The following GLIS3 variants were observed in gnomAD, a reference collection of about 807,000 sequenced individuals.
The protein encoded by GLIS3 is GLIS family zinc finger 3, also known as zinc finger protein GLIS3.
Under a neutral mutation model 78.6 loss-of-function variants are expected in GLIS3, and 53 were observed. That is an observed-to-expected ratio of 0.67 (90% CI 0.54 to 0.85). The LOEUF (loss-of-function observed/expected upper bound fraction) is 0.85, where lower values mean the gene tolerates loss of function less well. GLIS3 is among the 40% of genes least tolerant of loss of function. The pLI, the probability that GLIS3 is intolerant of heterozygous loss-of-function variation, is 0.00. For synonymous variants in GLIS3, 684 were observed against 509.9 expected, an observed-to-expected ratio of 1.34 and a Z score of -4.60; for missense variants, 1,703 against 1,231.1, an observed-to-expected ratio of 1.38 and a Z score of -5.74.
chr9:4,375,012 C>T, the GLIS3 span, among the ~76,000 whole-genome samples: 877 of 152,298 alleles, frequency 5.8e-3, 8 homozygotes, highest in African/African-American at 0.02. Context: ...TACTGTTGGA[C>T]ATTTGTGTTG....
the GLIS3 span, among the ~76,000 whole-genome samples, chr9:4,398,082 T>C: frequency 1.3e-5 from 2 of 152,012 alleles, no homozygotes; most frequent in South Asian, 4.1e-4. Context: ...GTTTAAGATC[T>C]TCAGTTACTA....
At chr9:4,259,065 T>C (rs1236736379) in intron 2 of GLIS3, among the ~76,000 whole-genome samples, 1 of 151,978 alleles carries the variant, frequency 6.6e-6, no homozygotes, top group Non-Finnish European at 1.5e-5. Flanking sequence ...GCATAACTCC[T>C]CCCCAAACAT....
chr9:3,879,355 T>G, intron 8 of GLIS3, 72 bp downstream of exon 8: 1 of 1,443,858 alleles, frequency 6.9e-7, no homozygotes, highest in South Asian at 1.1e-5. Flanking sequence ...ATTCAGCAAC[T>G]GTCAAGGCAC....
chr9:4,312,550 A>C (rs1817380910), intron 2 of GLIS3, among the ~76,000 whole-genome samples: 1 of 152,234 alleles, frequency 6.6e-6, no homozygotes, highest in African/African-American at 2.4e-5. Flanking sequence ...TTTTGCCAAT[A>C]AATTATGTAC....
In GLIS3 at chr9:3,879,582, G is replaced by A. The variant is rs768981623; in HGVS notation, c.2142C>T (p.Ser714=). The A allele has an allele frequency of 2.5e-6, 4 of 1,614,000 alleles. No homozygotes were observed. The highest frequency in any genetic ancestry group is 3.4e-6 in the Non-Finnish European group (4 of 1,179,980). Residue 714 remains serine (S), a synonymous_variant, in exon 8 of 11, where the codon TCC becomes TCT. Coordinates refer to ENST00000381971, the MANE Select transcript of GLIS3 (RefSeq NM_001042413.2). Reference sequence around the variant, plus strand: ...TTCCACTTCGGCTTGAATAATTGCTGGAGAAAATGGGAGCTGAAATCAAGG... The same window carrying A: ...TTCCACTTCGGCTTGAATAATTGCTAGAGAAAATGGGAGCTGAAATCAAGG... ...GPDLYSAPIF[S]SNYSSRSGTA...
At chr9:4,213,983 G>C (rs1234175866) in intron 2 of GLIS3, among the ~76,000 whole-genome samples, 1 of 149,976 alleles carries the variant, frequency 6.7e-6, no homozygotes, top group Non-Finnish European at 1.5e-5. Flanking sequence ...AAATTTCAGA[G>C]ACAGACAGGT....
chr9:4,288,093 T>C (rs1828151517), intron 1 of GLIS3, among the ~76,000 whole-genome samples: 2 of 152,206 alleles, frequency 1.3e-5, no homozygotes, highest in Non-Finnish European at 2.9e-5. Context: ...ACCTCAGTTC[T>C]TACATTGGTA....
chr9:4,387,109 T>G, the GLIS3 span, among the ~76,000 whole-genome samples: 4 of 152,202 alleles, frequency 2.6e-5, no homozygotes, highest in Non-Finnish European at 5.9e-5. Flanking sequence ...TAATGGCAAC[T>G]TCAGGGAGCG....
intron 4 of GLIS3, among the ~76,000 whole-genome samples, chr9:4,100,110 G>T (rs1830253666): frequency 6.6e-6 from 1 of 152,194 alleles, no homozygotes; most frequent in Non-Finnish European, 1.5e-5. Context: ...AAAGGTCATG[G>T]TATTCTCAAT....
At chr9:4,046,139 G>T (rs1266783496) in intron 4 of GLIS3, among the ~76,000 whole-genome samples, 5 of 152,124 alleles carry the variant, frequency 3.3e-5, no homozygotes, top group African/African-American at 1.2e-4. Flanking sequence ...GTCTCTTATG[G>T]CAGTCTTATA....
the GLIS3 span, among the ~76,000 whole-genome samples, chr9:4,355,877 A>G: frequency 2.0e-5 from 3 of 152,300 alleles, no homozygotes; most frequent in South Asian, 4.1e-4. Flanking sequence ...GGCATGTGGG[A>G]AAGTCCTGGG....
chr9:4,316,898 A>C (rs569690588), intron 2 of GLIS3, among the ~76,000 whole-genome samples: 1 of 152,294 alleles, frequency 6.6e-6, no homozygotes, highest in East Asian at 1.9e-4. Context: ...GACCAGAAAA[A>C]CCATCATAGG....
At chr9:3,959,779 G>A (rs928341571) in intron 4 of GLIS3, among the ~76,000 whole-genome samples, 2 of 152,164 alleles carry the variant, frequency 1.3e-5, no homozygotes, top group African/African-American at 2.4e-5. Context: ...TTGGAGACAG[G>A]GTCTTTCCAG....
chr9:3,926,918 C>A (rs372727034), intron 6 of GLIS3, among the ~76,000 whole-genome samples: 1 of 152,240 alleles, frequency 6.6e-6, no homozygotes, highest in African/African-American at 2.4e-5. Flanking sequence ...AGCCATTGGG[C>A]CTGGCCTCAT....
At chr9:3,897,831 G>GA (rs903969973) in intron 7 of GLIS3, among the ~76,000 whole-genome samples, 2 of 152,096 alleles carry the variant, frequency 1.3e-5, no homozygotes, top group African/African-American at 2.4e-5. Context: ...CTTTTCGAAA[G>GA]AAAAAAACAG....
intron 4 of GLIS3, among the ~76,000 whole-genome samples, chr9:4,044,587 A>G (rs1825096041): frequency 6.6e-6 from 1 of 152,098 alleles, no homozygotes. Context: ...TGGCCAGCAC[A>G]TGGAGTGACT....
chr9:4,380,821 C>A, the GLIS3 span, among the ~76,000 whole-genome samples: 45 of 152,290 alleles, frequency 3.0e-4, no homozygotes, highest in African/African-American at 1.0e-3. Flanking sequence ...AGATGCAAGA[C>A]CCTCCCAAGA....
At chr9:4,044,538 A>G (rs1279824855) in intron 4 of GLIS3, among the ~76,000 whole-genome samples, 1 of 152,132 alleles carries the variant, frequency 6.6e-6, no homozygotes, top group Non-Finnish European at 1.5e-5. Context: ...AAGGAATCCA[A>G]TGGGTCCATC....
chr9:3,848,929 G>C (rs749961685), intron 9 of GLIS3, among the ~76,000 whole-genome samples: 1 of 152,236 alleles, frequency 6.6e-6, no homozygotes, highest in Non-Finnish European at 1.5e-5. Context: ...CTGCAGGCAG[G>C]GCATGCTTTA....
Sources: gnomAD v4.1 joint callset for allele counts (sites outside exome capture counted in the v4.1 genomes callset) on GRCh38, gnomAD v4.1.1 for gene constraint, MANE v1.5 for transcripts, NCBI Gene and HGNC (gene_info 2026-07-23, HGNC 2026-07-21) for gene names.